Variants in BUB1 observed in about 807,000 individuals in gnomAD.
BUB1 encodes the protein BUB1 mitotic checkpoint serine/threonine kinase.
BUB1 carries 84 observed loss-of-function variants against 135.2 expected under a neutral mutation model. The observed-to-expected ratio is 0.62, with a 90% confidence interval of 0.52 to 0.74. The LOEUF (loss-of-function observed/expected upper bound fraction) is 0.74. BUB1 is among the 30% of genes least tolerant of loss of function. The probability of loss-of-function intolerance (pLI) is 0.00; values close to 1 mark genes in which losing one functional copy is unlikely to be tolerated. For missense variants in BUB1, 1,162 were observed against 1,288.3 expected, an observed-to-expected ratio of 0.90 and a Z score of 1.50; for synonymous variants, 403 against 434.4, an observed-to-expected ratio of 0.93 and a Z score of 0.90.
Position 110,655,757 on chromosome 2 carries a change from G to A in BUB1, c.1858C>T (p.His620Tyr). 6.2e-7 allele frequency: 1 copy of A among 1,613,574 alleles called. No homozygotes were observed. Among genetic ancestry groups the A allele is most frequent in the Non-Finnish European group, 8.5e-7 (1 of 1,179,592 alleles). ...PFHKLPVESVHILEDKENVVA... is the reference protein window; with the variant it reads ...PFHKLPVESVYILEDKENVVA... ...CACACACCTTTATCTTCTAAAATGT[G>A]CACTGACTCCACTGGAAGCTTGTGG... The change falls in exon 16 of 25, where the codon CAC becomes TAC. Residue 620 changes from histidine to tyrosine, a missense_variant. Physicochemically the swap from His to Tyr is moderately conservative, Grantham distance 83. Coordinates refer to ENST00000302759, the MANE Select transcript of BUB1 (RefSeq NM_004336.5).
chr2:110,653,502 C>T lies in BUB1; in HGVS notation c.1898G>A (p.Cys633Tyr). 1 of 1,613,876 alleles carries T rather than the reference C, an allele frequency of 6.2e-7. No homozygotes were observed. Among genetic ancestry groups the T allele is most frequent in the Non-Finnish European group, 8.5e-7 (1 of 1,179,874 alleles). The change falls in exon 17 of 25, where the codon TGT becomes TAT. Residue 633 changes from cysteine (C) to tyrosine (Y), a missense_variant. By Grantham distance (194) the Cys-to-Tyr change is radical. Transcript: ENST00000302759. ...EDKENVVAKQ[C>Y]TQATLDSCEE... ...ACAAGAATCCAAAGTCGCCTGGGTACACTGTTTTGCTACCACATTTTCTGA... is the reference window on the plus strand; with the variant it reads ...ACAAGAATCCAAAGTCGCCTGGGTATACTGTTTTGCTACCACATTTTCTGA...
chr2:110,673,237 C>T (rs1690471065), intron 3 of BUB1, among the ~76,000 whole-genome samples: 1 of 152,218 alleles, frequency 6.6e-6, no homozygotes, highest in Non-Finnish European at 1.5e-5. Flanking sequence ...ATACCTTGCC[C>T]TAAACATCTC....
At position 110,639,859 on chromosome 2, in the gene BUB1, G is replaced by T. The variant is rs1431450243; in HGVS notation, c.2956-11C>A. 6.3e-7 allele frequency: 1 copy of T among 1,597,306 alleles called. No individual in the cohort carries two copies. The highest frequency in any genetic ancestry group is 1.3e-5 in the African/African-American group (1 of 74,518). ...CCCAAAGTAATCGATCTATGAAGAA[G>T]ATAGAGGTATATATGACTTAAATAG... On this transcript the variant is annotated splice_polypyrimidine_tract_variant and intron_variant, in intron 23 of 24. Coordinates refer to ENST00000302759, the MANE Select transcript of BUB1 (RefSeq NM_004336.5).
Position 110,641,387 on chromosome 2 carries a change from C to A in BUB1, c.2703G>T (p.Met901Ile). Residue 901 changes from methionine to isoleucine, a missense_variant, in exon 22 of 25, where the codon ATG becomes ATT. Physicochemically the swap from Met to Ile is conservative, Grantham distance 10. Coordinates refer to ENST00000302759, the MANE Select transcript of BUB1 (RefSeq NM_004336.5). ...CATGCACTTGCTCAATCATGTAAAG[C>A]ATTCTCATAGCAAAAGAGATGACAA... is the stretch of plus-strand genomic sequence containing the variant. ...QGLVISFAMR[M>I]LYMIEQVHDC... 6.2e-7 allele frequency: 1 copy of A among 1,614,098 alleles called. No homozygotes were observed. The highest frequency in any genetic ancestry group is 8.5e-7 in the Non-Finnish European group (1 of 1,180,010).
chr2:110,650,499 T>C (rs1689754938), intron 18 of BUB1, 47 bp downstream of exon 18: 1 of 1,565,166 alleles, frequency 6.4e-7, no homozygotes. Flanking sequence ...GCTTTCCCCA[T>C]GCTCCTGTCC....
chr2:110,667,419 G>T, intron 8 of BUB1, 102 bp downstream of exon 8: 1 of 1,207,498 alleles, frequency 8.3e-7, no homozygotes, highest in Non-Finnish European at 1.1e-6. Flanking sequence ...CTTTCTTGCA[G>T]TCTTTCAACA....
At chr2:110,677,654 T>G (rs1344668437) in intron 1 of BUB1, among the ~76,000 whole-genome samples, 1 of 152,246 alleles carries the variant, frequency 6.6e-6, no homozygotes, top group Non-Finnish European at 1.5e-5. Context: ...TTCAGGATTT[T>G]TGTTAGGTTG....
chr2:110,656,350 T>A (rs1489448108), intron 15 of BUB1, among the ~76,000 whole-genome samples: 1 of 152,158 alleles, frequency 6.6e-6, no homozygotes, highest in East Asian at 1.9e-4. Context: ...TGTTCAGGGA[T>A]CCAATCCAGG....
chr2:110,655,614 T>G (rs1418840796), intron 16 of BUB1, 125 bp downstream of exon 16: 1 of 959,142 alleles, frequency 1.0e-6, no homozygotes, highest in African/African-American at 1.6e-5. Context: ...AAGTTTCTTC[T>G]TTATGATTTT....
intron 1 of BUB1, chr2:110,674,790 A>T (rs1690527299): frequency 4.5e-6 from 1 of 219,880 alleles, no homozygotes; most frequent in South Asian, 6.3e-5. Context: ...ACTGACTCAG[A>T]CCTCTGCCCT....
At chr2:110,639,394 CAAA>C (rs111453356) in intron 24 of BUB1, among the ~76,000 whole-genome samples, 3 of 118,142 alleles carry the variant, frequency 2.5e-5, no homozygotes. Flanking sequence ...TTCCATAGAC[CAAA>C]AAAAAAAAAA....
At chr2:110,656,973 AT>A in intron 15 of BUB1, 62 bp downstream of exon 15, 1 of 1,242,766 alleles carries the variant, frequency 8.0e-7, no homozygotes, top group Non-Finnish European at 1.2e-6. Context: ...TGGCATAATC[AT>A]TTGGTAGAAT....
At chr2:110,663,290 A>G (rs535250260) in intron 9 of BUB1, among the ~76,000 whole-genome samples, 102 of 152,338 alleles carry the variant, frequency 6.7e-4, no homozygotes, top group African/African-American at 2.3e-3. Context: ...AAAAAAAAAG[A>G]AAGTTGTAGT....
chr2:110,678,021 G>C lies in BUB1; in HGVS notation c.-26C>G. On this transcript the variant is annotated 5_prime_UTR_variant, in exon 1 of 25. Coordinates refer to ENST00000302759, the MANE Select transcript of BUB1 (RefSeq NM_004336.5). ...GGCCAGAGGACGCTGGCCGGCAGCG[G>C]CCAAACCTGAACCGCAAACTAGAAG... 6.3e-7 allele frequency: 1 copy of C among 1,598,432 alleles called. No homozygotes were observed. The highest frequency in any genetic ancestry group is 8.5e-7 in the Non-Finnish European group (1 of 1,173,664).
chr2:110,667,995 T>C lies in BUB1; in HGVS notation c.568-146A>G, dbSNP rs1448659977. The stretch of plus-strand genomic sequence containing the variant: ...TTATGTAATTTTAAATTATGATTAA[T>C]ATCAAAAGATTGTTTGTATCAACAA... On this transcript the variant is annotated intron_variant, in intron 6 of 24. Coordinates refer to ENST00000302759, the MANE Select transcript of BUB1 (RefSeq NM_004336.5). 4.5e-6 allele frequency: 3 copies of C among 671,406 alleles called. No individual in the cohort carries two copies. The African/African-American group carries it at 5.5e-5, about 12-fold the overall frequency. The allele number at this position is 671,406 out of a possible 1,614,324, so 41.6% of individuals were successfully genotyped here.
At chr2:110,644,478 C>CAA (rs57312823) in intron 19 of BUB1, among the ~76,000 whole-genome samples, 5,508 of 63,012 alleles carry the variant, frequency 0.087, 206 homozygotes, top group Admixed American at 0.15. Flanking sequence ...AACCCCGTCT[C>CAA]AAAAAAAAAA....
chr2:110,649,436 T>C, intron 18 of BUB1, 59 bp from the exon 19 acceptor site: 1 of 1,446,504 alleles, frequency 6.9e-7, no homozygotes, highest in Non-Finnish European at 9.3e-7. Flanking sequence ...TCAAGAACTT[T>C]ACCAAATAAA....
In BUB1 at chr2:110,658,685, G is replaced by A. The variant is rs1689998819; in HGVS notation, c.1334C>T (p.Ser445Leu). 6.2e-7 allele frequency: 1 copy of A among 1,614,216 alleles called. No homozygotes were observed. The highest frequency in any genetic ancestry group is 8.5e-7 in the Non-Finnish European group (1 of 1,180,042). Residue 445 changes from serine (S) to leucine (L), a missense_variant, in exon 12 of 25, where the codon TCA becomes TTA. By Grantham distance (145) the Ser-to-Leu change is moderately radical. Transcript: ENST00000302759. ...TGGCGTTGCCTGAACCATTCCCAGT[G>A]ATGTGTTTGGAGTTGTGTGAAAAGA... ...TSSFHTTPNT[S>L]LGMVQATPSK...
At position 110,661,500 on chromosome 2, in the gene BUB1, G is replaced by A; in HGVS notation, c.1217+82C>T. On this transcript the variant is annotated intron_variant, in intron 10 of 24. Transcript: ENST00000302759. The stretch of plus-strand genomic sequence containing the variant: ...AGACATCATTCATCTTTTACATACT[G>A]TTCCTGATAATGCAGGTCATGTAAA... 2.0e-6 allele frequency: 3 copies of A among 1,484,700 alleles called. No individual in the cohort carries two copies. The African/African-American group carries it at 4.2e-5, about 21-fold the overall frequency. The allele number at this position is 1,484,700 out of a possible 1,614,324, so 92.0% of individuals were successfully genotyped here.
Sources: gnomAD v4.1 joint callset for allele counts (sites outside exome capture counted in the v4.1 genomes callset) on GRCh38, gnomAD v4.1.1 for gene constraint, MANE v1.5 for transcripts, NCBI Gene and HGNC (gene_info 2026-07-23, HGNC 2026-07-21) for gene names.